Variants in HMBOX1 observed in about 807,000 individuals in gnomAD.
HMBOX1 encodes homeobox containing 1.
A neutral mutation model predicts 54.5 loss-of-function variants in HMBOX1; 14 were observed. That is an observed-to-expected ratio of 0.26 (90% CI 0.17 to 0.40). The LOEUF (loss-of-function observed/expected upper bound fraction) is 0.40. HMBOX1 is among the 10% of genes least tolerant of loss of function. The pLI is 1.00. For missense variants in HMBOX1, 332 were observed against 514.4 expected (o/e 0.65, Z 3.43); for synonymous variants, 160 against 181.0 (o/e 0.88, Z 0.93).
intron 8 of HMBOX1, among the ~76,000 whole-genome samples, chr8:29,047,818 C>T (rs751580698): frequency 7.2e-5 from 11 of 152,064 alleles, no homozygotes; most frequent in East Asian, 3.9e-4. Flanking sequence ...CCGTCCGCCT[C>T]GGCCTCCCAA....
intron 1 of HMBOX1, among the ~76,000 whole-genome samples, chr8:28,904,945 G>A (rs1306459005): frequency 6.6e-6 from 1 of 151,936 alleles, no homozygotes; most frequent in Admixed American, 6.6e-5. Flanking sequence ...AAAGTGCTGG[G>A]ATTACAGGCA....
At position 28,970,027 on chromosome 8, in the gene HMBOX1, ATC is replaced by A. The variant is rs1403375519; in HGVS notation, c.24-12_24-11del. The A allele has an allele frequency of 3.4e-6, 5 of 1,476,534 alleles. No homozygotes were observed. In the East Asian group the frequency reaches 1.1e-4, roughly 33 times the overall value. The allele number at this position is 1,476,534 out of a possible 1,614,324, so 91.5% of individuals were successfully genotyped here. On this transcript the variant is annotated splice_polypyrimidine_tract_variant and intron_variant, in intron 2 of 9. Coordinates refer to ENST00000287701, the MANE Select transcript of HMBOX1 (RefSeq NM_001135726.3). The surrounding 1 kb of genome is among the most constrained non-coding windows in gnomAD (Gnocchi z 4.3). ...ACTGTCAATAAAGAGACTTCTTTTT[ATC>A]TCTTTTTTTTTAGTTTGCTGGAAAC...
At chr8:28,935,740 C>T (rs1721187067) in intron 1 of HMBOX1, among the ~76,000 whole-genome samples, 1 of 151,970 alleles carries the variant, frequency 6.6e-6, no homozygotes, top group African/African-American at 2.4e-5. Flanking sequence ...AGTAAGGTTG[C>T]ATTATAAAAG....
chr8:29,017,502 G>A (rs1371732443), intron 5 of HMBOX1, among the ~76,000 whole-genome samples: 1 of 152,104 alleles, frequency 6.6e-6, no homozygotes, highest in African/African-American at 2.4e-5. Context: ...AGCAGTGCAA[G>A]GAATAAAAAT....
Position 29,053,106 on chromosome 8 carries a change from A to T in HMBOX1, c.*1951A>T, listed in dbSNP as rs1200173031. On this transcript the variant is annotated 3_prime_UTR_variant, in exon 10 of 10. Transcript: ENST00000287701. ...GACTGCATCATTTCCTTATCTGTTA[A>T]TCCTGCTTATGTGAGTGTGAGGAAA... 6.6e-6 allele frequency: 1 copy of T among 152,458 alleles called. No homozygotes were observed. Among genetic ancestry groups the T allele is most frequent in the African/African-American group, 2.4e-5 (1 of 41,394 alleles). 9.4% of individuals were successfully genotyped at this position (152,458 alleles called of 1,614,324 possible). A position where few individuals can be genotyped will look rare whatever the true frequency, so the allele number is the denominator to read the frequency against.
intron 1 of HMBOX1, among the ~76,000 whole-genome samples, chr8:28,939,096 C>T (rs1431151696): frequency 6.6e-6 from 1 of 152,050 alleles, no homozygotes; most frequent in African/African-American, 2.4e-5. Context: ...TCCACACTAG[C>T]CTGACCAATA....
chr8:28,899,572 A>C (rs1223977851), intron 1 of HMBOX1, among the ~76,000 whole-genome samples: 1 of 152,254 alleles, frequency 6.6e-6, no homozygotes, highest in East Asian at 1.9e-4. Flanking sequence ...TGTTCTCTGC[A>C]GATCTGGCAA....
intron 4 of HMBOX1, among the ~76,000 whole-genome samples, chr8:28,989,779 C>T (rs187753618): frequency 2.8e-4 from 43 of 152,292 alleles, no homozygotes; most frequent in African/African-American, 1.0e-3. Flanking sequence ...GAATATATAG[C>T]TCAATCTGAC....
rs144116796 is a variant in HMBOX1, at chr8:28,996,865, A to G, written c.587-12207A>G. 1.4e-3 allele frequency among the ~76,000 whole-genome samples: 208 copies of G among 152,312 alleles called. 1 individual carries two copies. Among genetic ancestry groups the G allele is most frequent in the Middle Eastern group, 3.4e-3 (1 of 294 alleles). On this transcript the variant is annotated intron_variant, in intron 4 of 9. Transcript: ENST00000287701. ...ATTTTATTCTTTTTGATGCTATTGTAAGTAGAATTGTTTTCTGAATTTTAT... is the reference window on the plus strand; with the variant it reads ...ATTTTATTCTTTTTGATGCTATTGTGAGTAGAATTGTTTTCTGAATTTTAT...
chr8:28,973,140 TAGATAATAACAATCCTTGGATC>T (rs1474208873), intron 3 of HMBOX1, among the ~76,000 whole-genome samples: 1 of 152,218 alleles, frequency 6.6e-6, no homozygotes, highest in African/African-American at 2.4e-5. Flanking sequence ...TCTCAGGTTG[TAGATAATAACAATCCTTGGATC>T]AGTGGGAAAG....
intron 1 of HMBOX1, among the ~76,000 whole-genome samples, chr8:28,900,300 C>G (rs887183557): frequency 1.8e-5 from 2 of 108,594 alleles, no homozygotes; most frequent in African/African-American, 6.2e-5. Context: ...ATTTTGTTTC[C>G]TGAGTTCTAC....
intron 3 of HMBOX1, among the ~76,000 whole-genome samples, chr8:28,978,063 A>AT (rs1563511586): frequency 6.6e-6 from 1 of 152,178 alleles, no homozygotes; most frequent in Non-Finnish European, 1.5e-5. Context: ...CAGCTGATTA[A>AT]TTTTTTCCTT....
intron 9 of HMBOX1, chr8:29,049,510 G>A: frequency 7.0e-7 from 1 of 1,423,764 alleles, no homozygotes; most frequent in Non-Finnish European, 9.2e-7. Flanking sequence ...ACTCACTCTG[G>A]CCCCACTGCA....
At chr8:28,984,298 T>TA in intron 4 of HMBOX1, among the ~76,000 whole-genome samples, 1 of 152,342 alleles carries the variant, frequency 6.6e-6, no homozygotes, top group South Asian at 2.1e-4. Context: ...AGTTCAACTC[T>TA]AATATGTGAA....
rs566937093 is a variant in HMBOX1 at position 28,911,647 on chromosome 8, C to T, written c.-58+20969C>T. On this transcript the variant is annotated intron_variant, in intron 1 of 9. Coordinates refer to ENST00000287701, the MANE Select transcript of HMBOX1 (RefSeq NM_001135726.3). Reference sequence around the variant, plus strand: ...CTGGGATTATAGGCGTGAGCCACCGCGCCTAGCTGCTGCTTGACTTTTATT... The same window carrying T: ...CTGGGATTATAGGCGTGAGCCACCGTGCCTAGCTGCTGCTTGACTTTTATT... Among the ~76,000 whole-genome samples, 24 of 152,300 alleles carry T rather than the reference C, an allele frequency of 1.6e-4. 1 individual carries two copies. Among genetic ancestry groups the T allele is most frequent in the Admixed American group, 8.5e-4 (13 of 15,298 alleles).
Position 29,051,197 on chromosome 8 carries a change from A to C in HMBOX1, c.*42A>C. ...TGACAAGTTAACTTAGTTTAGACGT[A>C]GCACCTTAGCAGACTTTCCTCGGTC... On this transcript the variant is annotated 3_prime_UTR_variant, in exon 10 of 10. Transcript: ENST00000287701. 1.2e-6 allele frequency: 2 copies of C among 1,604,604 alleles called. No individual in the cohort carries two copies. Among genetic ancestry groups the C allele is most frequent in the Non-Finnish European group, 1.7e-6 (2 of 1,175,034 alleles).
intron 1 of HMBOX1, chr8:28,891,076 T>G (rs1361562008): frequency 1.3e-5 from 2 of 152,796 alleles, no homozygotes; most frequent in Non-Finnish European, 2.9e-5. Context: ...CGTGTACTTG[T>G]GTGCTCTGCT....
intron 1 of HMBOX1, among the ~76,000 whole-genome samples, chr8:28,948,274 G>A (rs1221864851): frequency 6.6e-6 from 1 of 152,030 alleles, no homozygotes; most frequent in Non-Finnish European, 1.5e-5. Context: ...TAACCTCCAT[G>A]TGAGCAGGAA....
intron 1 of HMBOX1, among the ~76,000 whole-genome samples, chr8:28,893,038 A>G (rs1811347583): frequency 6.6e-6 from 1 of 152,228 alleles, no homozygotes; most frequent in Non-Finnish European, 1.5e-5. Flanking sequence ...TTGGAAAAAC[A>G]CGAGTGTTTT....
Sources: gnomAD v4.1 joint callset for allele counts (sites outside exome capture counted in the v4.1 genomes callset) on GRCh38, gnomAD v4.1.1 for gene constraint, Gnocchi (gnomAD v3.1) non-coding constraint, MANE v1.5 for transcripts, NCBI Gene and HGNC (gene_info 2026-07-23, HGNC 2026-07-21) for gene names.